Variants in FHIP1A observed in about 807,000 individuals in gnomAD.
The protein encoded by FHIP1A is FHF complex subunit HOOK-interacting protein 1A.
FHIP1A carries 61 observed loss-of-function variants against 88.6 expected under a neutral mutation model. The observed-to-expected ratio is 0.69, with a 90% CI of 0.56 to 0.85. The LOEUF (loss-of-function observed/expected upper bound fraction) is 0.85. Ranked by LOEUF, FHIP1A falls within the 40% of genes least tolerant of loss-of-function variation. The probability of loss-of-function intolerance (pLI) is 0.00; values close to 1 mark genes in which losing one functional copy is unlikely to be tolerated. For synonymous variants in FHIP1A, 478 were observed against 496.0 expected (o/e 0.96, Z 0.48); for missense variants, 1,154 against 1,273.5 (o/e 0.91, Z 1.43).
At chr4:151,469,393 A>AT (rs1216602338) in intron 2 of FHIP1A, among the ~76,000 whole-genome samples, 3 of 152,178 alleles carry the variant, frequency 2.0e-5, no homozygotes, top group African/African-American at 7.2e-5. Flanking sequence ...TTATCCAGTA[A>AT]TTTCAGGTAT....
chr4:151,664,171 T>C lies in FHIP1A; in HGVS notation c.*1417T>C, dbSNP rs150075397. 6.0e-4 allele frequency among the ~76,000 whole-genome samples: 91 copies of C among 152,220 alleles called. 1 individual carries two copies. In the East Asian group the frequency reaches 0.011, roughly 18 times the overall value. Reference sequence around the variant, plus strand: ...TTGGAAGGAAATTGGAAGGTTTGTCTCTCTCTGTTCTTTGTGGGCATCTCT... The same window carrying C: ...TTGGAAGGAAATTGGAAGGTTTGTCCCTCTCTGTTCTTTGTGGGCATCTCT... On this transcript the variant is annotated 3_prime_UTR_variant, in exon 14 of 14. Transcript: ENST00000435205.
intron 3 of FHIP1A, among the ~76,000 whole-genome samples, chr4:151,536,395 C>A (rs1481275611): frequency 6.6e-6 from 1 of 152,120 alleles, no homozygotes; most frequent in Non-Finnish European, 1.5e-5. Context: ...TGAATAGTTC[C>A]AACACTATGT....
chr4:151,477,980 C>G (rs1462600503), intron 2 of FHIP1A, among the ~76,000 whole-genome samples: 3 of 152,208 alleles, frequency 2.0e-5, no homozygotes, highest in South Asian at 2.1e-4. Flanking sequence ...CCTAGACATG[C>G]AAACATTCAT....
At position 151,486,034 on chromosome 4, in the gene FHIP1A, T is replaced by TTAA. The variant is rs1730070701; in HGVS notation, c.-123+3388_-123+3389insATA. Among the ~76,000 whole-genome samples, 3 of 152,294 alleles carry TTAA rather than the reference T, an allele frequency of 2.0e-5. No homozygotes were observed. In the South Asian group the frequency reaches 6.2e-4, roughly 32 times the overall value. ...CTGTTCCATCTGAGATCATCAGGCG[T>TTAA]TAGTTAGATTCTCATAAGGAGTGTG... On this transcript the variant is annotated intron_variant, in intron 3 of 13. Transcript: ENST00000435205.
At chr4:151,652,505 A>G (rs1478321427) in intron 11 of FHIP1A, among the ~76,000 whole-genome samples, 3 of 152,230 alleles carry the variant, frequency 2.0e-5, no homozygotes, top group African/African-American at 7.2e-5. Flanking sequence ...GTGTTCAGCA[A>G]TCTTTTATTG....
At chr4:151,430,374 T>G (rs1030727787) in intron 1 of FHIP1A, among the ~76,000 whole-genome samples, 23 of 152,232 alleles carry the variant, frequency 1.5e-4, no homozygotes, top group Non-Finnish European at 2.9e-5. Flanking sequence ...CCTGTTAGTG[T>G]GAAAGATCAC....
At chr4:151,509,407 C>T (rs956771701) in intron 3 of FHIP1A, among the ~76,000 whole-genome samples, 17 of 152,184 alleles carry the variant, frequency 1.1e-4, no homozygotes, top group South Asian at 6.2e-4. Flanking sequence ...CCTCGTGATC[C>T]GCCCGCCTCA....
At position 151,617,907 on chromosome 4, in the gene FHIP1A, C is replaced by T. The variant is rs762768595; in HGVS notation, c.979-11795C>T. Among the ~76,000 whole-genome samples the T allele has an allele frequency of 1.2e-3, 176 of 151,964 alleles. 1 individual carries two copies. Among genetic ancestry groups the T allele is most frequent in the Non-Finnish European group, 1.8e-3 (125 of 67,974 alleles). Reference sequence around the variant, plus strand: ...TCTTAAAAAAAAGAAAAAGTGTATTCATCTGTTAGGTCTCAATACAAGCAC... The same window carrying T: ...TCTTAAAAAAAAGAAAAAGTGTATTTATCTGTTAGGTCTCAATACAAGCAC... On this transcript the variant is annotated intron_variant, in intron 7 of 13. Coordinates refer to ENST00000435205, the MANE Select transcript of FHIP1A (RefSeq NM_001109977.3).
chr4:151,483,005 A>G (rs1729954182), intron 3 of FHIP1A, among the ~76,000 whole-genome samples: 1 of 152,126 alleles, frequency 6.6e-6, no homozygotes, highest in Non-Finnish European at 1.5e-5. Context: ...AAGAAGGAGC[A>G]ATAACATAAG....
chr4:151,415,744 A>G (rs1443244047), intron 1 of FHIP1A, among the ~76,000 whole-genome samples: 2 of 152,184 alleles, frequency 1.3e-5, no homozygotes, highest in African/African-American at 4.8e-5. Flanking sequence ...GAAATTATTA[A>G]TAGATGACCA....
intron 1 of FHIP1A, among the ~76,000 whole-genome samples, chr4:151,420,842 C>G (rs1236597024): frequency 6.6e-6 from 1 of 152,208 alleles, no homozygotes; most frequent in Non-Finnish European, 1.5e-5. Flanking sequence ...CCTGCAGTGC[C>G]CCATCTTGAG....
At chr4:151,612,792 G>A (rs1033444834) in intron 7 of FHIP1A, among the ~76,000 whole-genome samples, 2 of 152,130 alleles carry the variant, frequency 1.3e-5, no homozygotes, top group African/African-American at 4.8e-5. Context: ...ATTTTGGGTG[G>A]CCTTACTTTA....
chr4:151,635,075 A>G (rs952396087), intron 8 of FHIP1A, among the ~76,000 whole-genome samples: 1 of 151,870 alleles, frequency 6.6e-6, no homozygotes, highest in Non-Finnish European at 1.5e-5. Context: ...TCTAACTTAA[A>G]AATAAACAAA....
At chr4:151,569,089 GA>G (rs1733499891) in intron 4 of FHIP1A, among the ~76,000 whole-genome samples, 2 of 152,172 alleles carry the variant, frequency 1.3e-5, no homozygotes, top group African/African-American at 2.4e-5. Context: ...GCTCCAGTTT[GA>G]CATAAGCTCC....
intron 7 of FHIP1A, among the ~76,000 whole-genome samples, chr4:151,595,797 T>C (rs1019584886): frequency 1.4e-5 from 2 of 147,624 alleles, no homozygotes; most frequent in Non-Finnish European, 3.1e-5. Flanking sequence ...CTTTGTCTCT[T>C]TTGATCTTTG....
intron 3 of FHIP1A, among the ~76,000 whole-genome samples, chr4:151,498,395 T>C (rs1730536682): frequency 6.6e-6 from 1 of 152,184 alleles, no homozygotes; most frequent in Non-Finnish European, 1.5e-5. Flanking sequence ...AACAGTTGTC[T>C]TAAGGCCTTG....
intron 3 of FHIP1A, among the ~76,000 whole-genome samples, chr4:151,486,843 T>C (rs527551666): frequency 6.6e-6 from 1 of 151,916 alleles, no homozygotes; most frequent in Admixed American, 6.6e-5. Context: ...GTCAGGCACC[T>C]GTAATCCCAA....
chr4:151,546,506 A>G (rs983315068), intron 3 of FHIP1A, among the ~76,000 whole-genome samples: 2 of 152,222 alleles, frequency 1.3e-5, no homozygotes, highest in Non-Finnish European at 2.9e-5. Flanking sequence ...ACAGACTGCT[A>G]TGTGATATTC....
At chr4:151,629,905 C>T in intron 8 of FHIP1A, 36 bp downstream of exon 8, 1 of 1,513,336 alleles carries the variant, frequency 6.6e-7, no homozygotes, top group Non-Finnish European at 8.9e-7. Flanking sequence ...ACTTACAACT[C>T]AGAACAGATT....
Sources: gnomAD v4.1 joint callset for allele counts (sites outside exome capture counted in the v4.1 genomes callset) on GRCh38, gnomAD v4.1.1 for gene constraint, MANE v1.5 for transcripts, NCBI Gene and HGNC (gene_info 2026-07-23, HGNC 2026-07-21) for gene names.